The following RBFOX3 variants were observed in gnomAD, a reference collection of about 807,000 sequenced individuals.
RBFOX3 encodes the protein RNA binding protein fox-1 homolog 3.
RBFOX3 carries 17 observed loss-of-function variants against 48.7 expected under a neutral mutation model. That is an observed-to-expected ratio of 0.35 (90% CI 0.24 to 0.52). RBFOX3 has a LOEUF of 0.52. Ranked by LOEUF, RBFOX3 falls within the 20% of genes least tolerant of loss-of-function variation. The probability of loss-of-function intolerance (pLI) is 0.94; values close to 1 mark genes in which losing one functional copy is unlikely to be tolerated. For synonymous variants in RBFOX3, 212 were observed against 209.5 expected (o/e 1.01, Z -0.10); for missense variants, 382 against 497.5 (o/e 0.77, Z 2.21).
intron 3 of RBFOX3, among the ~76,000 whole-genome samples, chr17:79,284,362 G>A (rs554611681): frequency 3.0e-4 from 45 of 152,140 alleles, no homozygotes; most frequent in Non-Finnish European, 5.0e-4. Flanking sequence ...TTTCTTCAAT[G>A]TTTTGTTATT....
intron 1 of RBFOX3, among the ~76,000 whole-genome samples, chr17:79,515,170 G>C (rs1225054231): frequency 6.6e-6 from 1 of 152,198 alleles, no homozygotes; most frequent in Non-Finnish European, 1.5e-5. Context: ...CTTTCCGGAG[G>C]AGCAACACTC....
intron 3 of RBFOX3, among the ~76,000 whole-genome samples, chr17:79,287,035 C>T (rs113861197): frequency 2.0e-4 from 30 of 152,248 alleles, no homozygotes; most frequent in African/African-American, 7.0e-4. Context: ...CACATCACAG[C>T]GGCCCTGACG....
intron 5 of RBFOX3, among the ~76,000 whole-genome samples, chr17:79,107,309 G>A (rs2077569074): frequency 6.6e-6 from 1 of 152,202 alleles, no homozygotes; most frequent in Non-Finnish European, 1.5e-5. Context: ...ATTCCAGCCT[G>A]CTGCTGCCAC....
chr17:79,169,934 G>C (rs1670006812), intron 4 of RBFOX3, among the ~76,000 whole-genome samples: 1 of 151,374 alleles, frequency 6.6e-6, no homozygotes, highest in South Asian at 2.1e-4. Flanking sequence ...GAAGGAAGAA[G>C]AGAAGGAAAG....
intron 2 of RBFOX3, among the ~76,000 whole-genome samples, chr17:79,331,195 T>C (rs1360554064): frequency 6.6e-6 from 1 of 152,220 alleles, no homozygotes; most frequent in Non-Finnish European, 1.5e-5. Context: ...CTGAGCCTCA[T>C]GGACTTCAAG....
intron 11 of RBFOX3, 146 bp downstream of exon 11, chr17:79,097,146 G>A (rs2075447104): frequency 2.8e-6 from 2 of 724,862 alleles, no homozygotes; most frequent in South Asian, 2.0e-5. Context: ...GCAGCTGCAG[G>A]GCTGAGTTCT....
At chr17:79,411,037 T>C (rs1370748204) in intron 2 of RBFOX3, among the ~76,000 whole-genome samples, 1 of 152,200 alleles carries the variant, frequency 6.6e-6, no homozygotes, top group African/African-American at 2.4e-5. Context: ...CTCTGCCAGC[T>C]ACCTTGCCAT....
rs529100415 is a variant in RBFOX3, at chr17:79,116,955, C to T, written c.-33-1207G>A. Among the ~76,000 whole-genome samples the T allele has an allele frequency of 9.2e-5, 14 of 152,356 alleles. No homozygotes were observed. The East Asian group carries it at 1.7e-3, about 19-fold the overall frequency. ...ACCCCAGGCCTCCTCCAGCAATCTG[C>T]GTGCACTGAGAACCACTGACCTAGG... On this transcript the variant is annotated intron_variant, in intron 4 of 14. Coordinates refer to ENST00000693108, the MANE Select transcript of RBFOX3 (RefSeq NM_001350451.2).
rs1163904905 is a variant in RBFOX3, at chr17:79,125,660, C to G, written c.-33-9912G>C. 7.9e-5 allele frequency among the ~76,000 whole-genome samples: 12 copies of G among 152,230 alleles called. No individual in the cohort carries two copies. In the South Asian group the frequency reaches 2.1e-3, roughly 26 times the overall value. ...CCCTCGGCACAGCCCTTCCTGGCTC[C>G]CTCTCCTCTCAGGCCCTCCAGGACA... On this transcript the variant is annotated intron_variant, in intron 4 of 14. Transcript: ENST00000693108.
intron 4 of RBFOX3, among the ~76,000 whole-genome samples, chr17:79,168,244 A>G (rs2048428060): frequency 3.3e-5 from 5 of 152,186 alleles, no homozygotes; most frequent in Admixed American, 2.6e-4. Flanking sequence ...TGGGTCCCCC[A>G]CTGGGCAGGG....
intron 14 of RBFOX3, among the ~76,000 whole-genome samples, chr17:79,093,936 C>CA (rs1568111259): frequency 6.6e-6 from 1 of 152,118 alleles, no homozygotes; most frequent in African/African-American, 2.4e-5. Context: ...CAGGAGCCCC[C>CA]AGGAAGCCAG....
intron 2 of RBFOX3, among the ~76,000 whole-genome samples, chr17:79,417,011 G>A (rs12943496): frequency 6.6e-6 from 1 of 152,056 alleles, no homozygotes; most frequent in Non-Finnish European, 1.5e-5. Context: ...AGCAGGGTTC[G>A]CATGGCAGGG....
chr17:79,611,130 T>TCTCTCTCTCTCTCTATCTCTCTCTCTC (rs1491548376), upstream of RBFOX3, among the ~76,000 whole-genome samples: 5 of 37,816 alleles, frequency 1.3e-4, no homozygotes, highest in African/African-American at 2.5e-4. Context: ...TCCGCCCTCC[T>TCTCTCTCTCTCTCTATCTCTCTCTCTC]TCTCTCTCTC....
chr17:79,430,541 C>T (rs1322103389), intron 2 of RBFOX3, among the ~76,000 whole-genome samples: 8 of 152,080 alleles, frequency 5.3e-5, no homozygotes, highest in African/African-American at 1.9e-4. Context: ...ATACTGTGCT[C>T]GACTAATATT....
intron 3 of RBFOX3, among the ~76,000 whole-genome samples, chr17:79,304,465 T>C (rs999244534): frequency 1.3e-5 from 2 of 150,720 alleles, no homozygotes; most frequent in African/African-American, 4.9e-5. Flanking sequence ...ATATATAGCA[T>C]GATCCTGCTT....
At chr17:79,440,120 C>T (rs1237869965) in intron 2 of RBFOX3, among the ~76,000 whole-genome samples, 1 of 152,180 alleles carries the variant, frequency 6.6e-6, no homozygotes, top group African/African-American at 2.4e-5. Context: ...AACCAGGCCT[C>T]CTCAGGAGGC....
rs553332554 is a variant in RBFOX3, at chr17:79,156,820, G to A, written c.-33-41072C>T. On this transcript the variant is annotated intron_variant, in intron 4 of 14. Transcript: ENST00000693108. ...CAGGACAGGGTGAGCCTGGCTTGCT[G>A]GAGTCCTTGGCTTCTGCTGATGGGA... Among the ~76,000 whole-genome samples the A allele has an allele frequency of 1.2e-4, 18 of 152,304 alleles. No homozygotes were observed. The South Asian group carries it at 3.5e-3, about 30-fold the overall frequency.
intron 4 of RBFOX3, among the ~76,000 whole-genome samples, chr17:79,155,642 C>G (rs905558750): frequency 2.0e-5 from 3 of 152,074 alleles, no homozygotes; most frequent in African/African-American, 7.2e-5. Flanking sequence ...GGACCCTGTC[C>G]CTTAGGGGCA....
intron 4 of RBFOX3, among the ~76,000 whole-genome samples, chr17:79,219,779 G>A (rs1268860182): frequency 6.6e-6 from 1 of 151,732 alleles, no homozygotes; most frequent in African/African-American, 2.4e-5. Context: ...ACCTGATTTT[G>A]TTTGGGAAGC....
Sources: allele counts gnomAD v4.1 joint callset (sites outside exome capture counted in the v4.1 genomes callset), GRCh38; gene constraint gnomAD v4.1.1; transcripts MANE v1.5; gene names NCBI Gene and HGNC (gene_info 2026-07-23, HGNC 2026-07-21).